Variants in POU6F2 observed in about 807,000 individuals in gnomAD.
The protein encoded by POU6F2 is POU domain, class 6, transcription factor 2.
In POU6F2, 31 loss-of-function variants were observed where a neutral mutation model predicts 71.3. The ratio of observed to expected loss-of-function variants is 0.43; its 90% confidence interval spans 0.33 to 0.59. POU6F2 has a LOEUF of 0.59. POU6F2 is among the 20% of genes least tolerant of loss of function. POU6F2 has a pLI of 0.04. For synonymous variants in POU6F2, 347 were observed against 355.7 expected (o/e 0.98, Z 0.27); for missense variants, 783 against 856.8 (o/e 0.91, Z 1.07).
intron 1 of POU6F2, among the ~76,000 whole-genome samples, chr7:39,004,281 A>C (rs560160862): frequency 5.4e-4 from 83 of 152,366 alleles, no homozygotes; most frequent in African/African-American, 2.0e-3. Context: ...GAGTTGGATT[A>C]TAAAAGTAGC....
At chr7:39,199,905 G>T (rs893513408) in intron 2 of POU6F2, among the ~76,000 whole-genome samples, 5 of 152,106 alleles carry the variant, frequency 3.3e-5, no homozygotes, top group African/African-American at 1.2e-4. Flanking sequence ...TCAAAACAGG[G>T]TTTCTTGTAT....
rs1787143598 is a variant in POU6F2 at position 39,394,951 on chromosome 7, C to T, written c.973-11649C>T. Among the ~76,000 whole-genome samples the T allele has an allele frequency of 2.0e-5, 3 of 152,264 alleles. No individual in the cohort carries two copies. The South Asian group carries it at 6.2e-4, about 32-fold the overall frequency. The stretch of plus-strand genomic sequence containing the variant: ...CACCATACCTGACACACAGTCGATG[C>T]TGTGTTTGATGAATGAATGAGTGGT... On this transcript the variant is annotated intron_variant, in intron 5 of 9. Transcript: ENST00000518318.
chr7:39,196,181 G>GAA (rs1451103147), intron 2 of POU6F2, among the ~76,000 whole-genome samples: 3 of 152,184 alleles, frequency 2.0e-5, no homozygotes, highest in African/African-American at 7.2e-5. Flanking sequence ...TAGTGAAAGC[G>GAA]AAACACTGTT....
intron 4 of POU6F2, among the ~76,000 whole-genome samples, chr7:39,283,158 ATTAG>A (rs1784590717): frequency 6.6e-6 from 1 of 152,126 alleles, no homozygotes; most frequent in South Asian, 2.1e-4. Context: ...GGATTCATTT[ATTAG>A]TTTTAAAGGA....
intron 5 of POU6F2, among the ~76,000 whole-genome samples, chr7:39,400,900 C>T (rs1022437016): frequency 1.3e-5 from 2 of 152,092 alleles, no homozygotes; most frequent in African/African-American, 4.8e-5. Flanking sequence ...TGTCATACAG[C>T]CATGAAAAAT....
At chr7:39,349,407 T>C (rs1786096284) in intron 5 of POU6F2, among the ~76,000 whole-genome samples, 3 of 151,922 alleles carry the variant, frequency 2.0e-5, no homozygotes, top group Admixed American at 2.0e-4. Flanking sequence ...ACGGCCAGGG[T>C]GCCCCTGGAC....
intron 6 of POU6F2, among the ~76,000 whole-genome samples, chr7:39,420,130 A>G (rs1438845854): frequency 6.6e-6 from 1 of 152,202 alleles, no homozygotes. Context: ...AACAAATAAC[A>G]TGGACAAAAC....
chr7:39,443,682 T>C (rs2237378), intron 7 of POU6F2, among the ~76,000 whole-genome samples: 50,555 of 152,056 alleles, frequency 0.33, 9,340 homozygotes, highest in East Asian at 0.58. Context: ...TTCTGAGGCT[T>C]GCCAATCATA....
At chr7:38,982,403 T>A (rs1379140758) in intron 1 of POU6F2, among the ~76,000 whole-genome samples, 1 of 152,140 alleles carries the variant, frequency 6.6e-6, no homozygotes, top group Non-Finnish European at 1.5e-5. Context: ...TTCTTATACA[T>A]ACTGGTGCTA....
intron 4 of POU6F2, among the ~76,000 whole-genome samples, chr7:39,248,246 G>T (rs1783854537): frequency 6.6e-6 from 1 of 152,178 alleles, no homozygotes; most frequent in African/African-American, 2.4e-5. Context: ...TGGCTAATGA[G>T]CTCACTCTCA....
intron 4 of POU6F2, among the ~76,000 whole-genome samples, chr7:39,299,057 G>A (rs1034716514): frequency 2.6e-5 from 4 of 152,098 alleles, no homozygotes; most frequent in African/African-American, 4.8e-5. Flanking sequence ...CCTAATGCAT[G>A]TGGGACTTAA....
chr7:39,290,066 A>G (rs1488789593), intron 4 of POU6F2, among the ~76,000 whole-genome samples: 1 of 152,224 alleles, frequency 6.6e-6, no homozygotes, highest in Non-Finnish European at 1.5e-5. Flanking sequence ...ATCCAAAGTT[A>G]GAAAAAAAAT....
At chr7:39,178,633 G>A (rs1357472291) in intron 2 of POU6F2, among the ~76,000 whole-genome samples, 3 of 152,126 alleles carry the variant, frequency 2.0e-5, no homozygotes, top group African/African-American at 7.2e-5. Context: ...ATAAAGTTGA[G>A]TCTTTTCATG....
intron 2 of POU6F2, among the ~76,000 whole-genome samples, chr7:39,181,704 C>A (rs1283357488): frequency 6.6e-6 from 1 of 152,120 alleles, no homozygotes; most frequent in Non-Finnish European, 1.5e-5. Flanking sequence ...GTCACAACCA[C>A]CCCTCTCCAA....
chr7:39,076,438 C>T (rs993357931), intron 1 of POU6F2, among the ~76,000 whole-genome samples: 38 of 152,170 alleles, frequency 2.5e-4, no homozygotes, highest in African/African-American at 9.2e-4. Context: ...ATAGGTGCAG[C>T]AAACCCTCGT....
chr7:39,104,155 T>C (rs1249866580), intron 2 of POU6F2, among the ~76,000 whole-genome samples: 1 of 152,352 alleles, frequency 6.6e-6, no homozygotes, highest in East Asian at 1.9e-4. Flanking sequence ...CCTCTGCTAA[T>C]GTGTTATTTG....
chr7:39,145,842 A>C (rs1792610750), intron 2 of POU6F2, among the ~76,000 whole-genome samples: 1 of 152,122 alleles, frequency 6.6e-6, no homozygotes, highest in African/African-American at 2.4e-5. Context: ...ATTTTTACTT[A>C]TTTGCTTTTC....
chr7:39,284,870 T>C (rs1407511375), intron 4 of POU6F2, among the ~76,000 whole-genome samples: 1 of 152,186 alleles, frequency 6.6e-6, no homozygotes, highest in Non-Finnish European at 1.5e-5. Context: ...TGCCCAAATA[T>C]CTGTAGTCCC....
At chr7:39,152,638 C>CCTGGATG (rs1792785735) in intron 2 of POU6F2, among the ~76,000 whole-genome samples, 3 of 152,088 alleles carry the variant, frequency 2.0e-5, no homozygotes, top group Non-Finnish European at 4.4e-5. Context: ...CTCCCTAGGT[C>CCTGGATG]CCCTGACTCG....
Sources: gnomAD v4.1 joint callset for allele counts (sites outside exome capture counted in the v4.1 genomes callset) on GRCh38, gnomAD v4.1.1 for gene constraint, MANE v1.5 for transcripts, NCBI Gene and HGNC (gene_info 2026-07-23, HGNC 2026-07-21) for gene names.